DCAF8L2: variants seen among roughly 807,000 people sequenced by gnomAD.
DCAF8L2 encodes DDB1- and CUL4-associated factor 8-like protein 2.
For synonymous variants in DCAF8L2, 200 were observed against 190.9 expected (o/e 1.05, Z -0.39); for missense variants, 430 against 490.7 (o/e 0.88, Z 1.17).
At chrX:27,622,296 A>G (rs764677762) in intron 1 of DCAF8L2, among the ~76,000 whole-genome samples, 6,411 of 93,590 alleles carry the variant, frequency 0.069, 1,016 homozygotes, top group African/African-American at 0.27. Context: ...GTAGTGGCGG[A>G]CACCTGTATT....
intron 2 of DCAF8L2, among the ~76,000 whole-genome samples, chrX:27,654,147 G>C (rs1929260776): frequency 9.0e-6 from 1 of 111,080 alleles, no homozygotes; most frequent in South Asian, 3.8e-4. Flanking sequence ...CTCCTCTCTG[G>C]CATGATTAAG....
At chrX:27,726,681 T>C (rs1298023510) in intron 4 of DCAF8L2, among the ~76,000 whole-genome samples, 1 of 111,914 alleles carries the variant, frequency 8.9e-6, no homozygotes, top group Non-Finnish European at 1.9e-5. Context: ...AATTGAGTTC[T>C]TTTTTATCTG....
At chrX:27,538,264 T>C in the DCAF8L2 span, among the ~76,000 whole-genome samples, 39 of 111,864 alleles carry the variant, frequency 3.5e-4, no homozygotes, top group Non-Finnish European at 1.5e-4. Flanking sequence ...CACAGTGGAG[T>C]TTTAGTACCA....
At chrX:27,528,116 A>T in the DCAF8L2 span, among the ~76,000 whole-genome samples, 469 of 102,968 alleles carry the variant, frequency 4.6e-3, no homozygotes, top group African/African-American at 0.015. Context: ...AATTTAATTA[A>T]TTATTAAATT....
At chrX:27,592,277 C>T (rs1926128282) in intron 1 of DCAF8L2, among the ~76,000 whole-genome samples, 1 of 112,395 alleles carries the variant, frequency 8.9e-6, no homozygotes, top group South Asian at 3.7e-4. Context: ...CCTTTCACGT[C>T]CCCCTGGGGA....
chrX:27,518,882 G>C, the DCAF8L2 span: 1 of 559,949 alleles, frequency 1.8e-6, no homozygotes, highest in Admixed American at 2.4e-5. Flanking sequence ...TTTCCCTGGA[G>C]TGAAATCAGA....
chrX:27,712,915 C>A (rs1931577214), intron 3 of DCAF8L2, among the ~76,000 whole-genome samples: 1 of 111,600 alleles, frequency 9.0e-6, no homozygotes. Flanking sequence ...TGGGATTGAG[C>A]AAAGGCATGA....
the DCAF8L2 span, among the ~76,000 whole-genome samples, chrX:27,512,778 G>GAAAAAAAA: frequency 7.9e-4 from 2 of 2,523 alleles, no homozygotes; most frequent in African/African-American, 5.1e-3. Flanking sequence ...ACAATCTTGA[G>GAAAAAAAA]CAAAAAAAAA....
At chrX:27,561,746 G>T in the DCAF8L2 span, among the ~76,000 whole-genome samples, 1 of 111,397 alleles carries the variant, frequency 9.0e-6, no homozygotes, top group Non-Finnish European at 1.9e-5. Context: ...GTATGTTTCA[G>T]TACTTCATAT....
the DCAF8L2 span, among the ~76,000 whole-genome samples, chrX:27,566,065 G>A: frequency 6.3e-5 from 7 of 110,267 alleles, no homozygotes; most frequent in Admixed American, 6.8e-4. Flanking sequence ...GATACGTTTA[G>A]TTCTGTACAA....
intron 1 of DCAF8L2, among the ~76,000 whole-genome samples, chrX:27,599,127 A>G (rs1368764962): frequency 9.0e-6 from 1 of 110,522 alleles, no homozygotes; most frequent in African/African-American, 3.3e-5. Flanking sequence ...AATTTCTGTC[A>G]ATGGATGAAT....
At chrX:27,676,415 T>C (rs1353039518) in intron 2 of DCAF8L2, among the ~76,000 whole-genome samples, 1 of 111,724 alleles carries the variant, frequency 9.0e-6, no homozygotes, top group Non-Finnish European at 1.9e-5. Flanking sequence ...TTTGTGTACA[T>C]ATATATGTAT....
chrX:27,521,411 T>G, the DCAF8L2 span, among the ~76,000 whole-genome samples: 1 of 112,361 alleles, frequency 8.9e-6, no homozygotes, highest in Non-Finnish European at 1.9e-5. Flanking sequence ...CACATCTCTG[T>G]CTCTTCCAAG....
chrX:27,516,090 T>C, the DCAF8L2 span, among the ~76,000 whole-genome samples: 1 of 111,957 alleles, frequency 8.9e-6, no homozygotes, highest in African/African-American at 3.2e-5. Context: ...AATGGCAATT[T>C]TAATAGATAA....
chrX:27,704,173 T>TATACACACAC (rs757835089), intron 3 of DCAF8L2, among the ~76,000 whole-genome samples: 1 of 44,286 alleles, frequency 2.3e-5, no homozygotes, highest in African/African-American at 1.5e-4. Flanking sequence ...TATATATATA[T>TATACACACAC]ACATATACAC....
the DCAF8L2 span, among the ~76,000 whole-genome samples, chrX:27,528,476 G>GTATGTA: frequency 1.2e-5 from 1 of 83,454 alleles, no homozygotes; most frequent in Non-Finnish European, 2.3e-5. Context: ...ATGTGTATGT[G>GTATGTA]TATATATATA....
chrX:27,638,879 T>G (rs12387040), intron 2 of DCAF8L2, among the ~76,000 whole-genome samples: 21,728 of 110,982 alleles, frequency 0.2, 1,798 homozygotes, highest in East Asian at 0.43. Flanking sequence ...ATTCAATAGA[T>G]CTGGGGATGG....
At chrX:27,579,129 T>C in the DCAF8L2 span, among the ~76,000 whole-genome samples, 2 of 112,036 alleles carry the variant, frequency 1.8e-5, no homozygotes, top group Non-Finnish European at 3.8e-5. Context: ...GCAGCACTAT[T>C]CACAATAGCA....
At chrX:27,484,860 A>T in the DCAF8L2 span, among the ~76,000 whole-genome samples, 2 of 111,626 alleles carry the variant, frequency 1.8e-5, no homozygotes, top group Non-Finnish European at 3.8e-5. Context: ...AGGCAAAATG[A>T]TTAGAAAGGT....
Sources: allele counts gnomAD v4.1 joint callset (sites outside exome capture counted in the v4.1 genomes callset), GRCh38; gene constraint gnomAD v4.1.1; transcripts MANE v1.5; gene names NCBI Gene and HGNC (gene_info 2026-07-23, HGNC 2026-07-21).